Variants in SLC24A2 observed in about 807,000 individuals in gnomAD.
SLC24A2 encodes solute carrier family 24 member 2.
A neutral mutation model predicts 62.0 loss-of-function variants in SLC24A2; 36 were observed. The ratio of observed to expected loss-of-function variants is 0.58; its 90% confidence interval spans 0.44 to 0.77. SLC24A2 has a LOEUF of 0.77. SLC24A2 is among the 30% of genes least tolerant of loss of function. The probability of loss-of-function intolerance (pLI) is 0.00; values close to 1 mark genes in which losing one functional copy is unlikely to be tolerated. For missense variants in SLC24A2, 846 were observed against 817.9 expected, an observed-to-expected ratio of 1.03 and a Z score of -0.42; for synonymous variants, 358 against 294.0, an observed-to-expected ratio of 1.22 and a Z score of -2.23.
the SLC24A2 span, among the ~76,000 whole-genome samples, chr9:20,019,111 A>C: frequency 6.1e-4 from 15 of 24,722 alleles, no homozygotes; most frequent in East Asian, 0.049. Context: ...GATAGAAAGA[A>C]AGAAAGAAAG....
chr9:20,191,422 G>A, the SLC24A2 span, among the ~76,000 whole-genome samples: 1 of 151,938 alleles, frequency 6.6e-6, no homozygotes, highest in African/African-American at 2.4e-5. Flanking sequence ...TGATTTATGG[G>A]ACCATAATCC....
At chr9:20,297,190 T>A in the SLC24A2 span, among the ~76,000 whole-genome samples, 7 of 152,172 alleles carry the variant, frequency 4.6e-5, no homozygotes, top group Non-Finnish European at 7.4e-5. Flanking sequence ...AACATCCTCA[T>A]GACCAATGTG....
chr9:19,575,151 A>G (rs1014333815), intron 6 of SLC24A2, among the ~76,000 whole-genome samples: 10 of 152,244 alleles, frequency 6.6e-5, no homozygotes, highest in African/African-American at 2.4e-4. Flanking sequence ...TTAAATACGG[A>G]AAACCATAGA....
chr9:20,107,338 A>C, the SLC24A2 span, among the ~76,000 whole-genome samples: 1 of 151,502 alleles, frequency 6.6e-6, no homozygotes, highest in East Asian at 1.9e-4. Context: ...GAATTGGAAA[A>C]AACTACTTTG....
chr9:20,057,859 C>T, the SLC24A2 span, among the ~76,000 whole-genome samples: 2 of 152,112 alleles, frequency 1.3e-5, no homozygotes, highest in African/African-American at 4.8e-5. Context: ...TTGACTTTTA[C>T]AAGGTCAAGT....
chr9:19,635,201 C>T (rs947302733), intron 2 of SLC24A2, among the ~76,000 whole-genome samples: 4 of 152,200 alleles, frequency 2.6e-5, no homozygotes, highest in African/African-American at 9.7e-5. Flanking sequence ...TCAGCACCAA[C>T]TTCTTGGCCT....
At chr9:19,856,195 A>G in the SLC24A2 span, among the ~76,000 whole-genome samples, 5 of 152,210 alleles carry the variant, frequency 3.3e-5, no homozygotes, top group Admixed American at 2.6e-4. Flanking sequence ...ATGTTTTATC[A>G]TGGTTCTTAG....
At chr9:19,837,658 T>C in the SLC24A2 span, among the ~76,000 whole-genome samples, 11 of 151,996 alleles carry the variant, frequency 7.2e-5, no homozygotes, top group African/African-American at 2.7e-4. Flanking sequence ...TAATTGTATA[T>C]CTAGAAAACC....
chr9:20,004,167 T>C, the SLC24A2 span, among the ~76,000 whole-genome samples: 7 of 152,322 alleles, frequency 4.6e-5, no homozygotes, highest in Admixed American at 1.3e-4. Context: ...AAGCACCTAA[T>C]AGATGATAAG....
intron 2 of SLC24A2, among the ~76,000 whole-genome samples, chr9:19,686,201 C>T (rs1222648627): frequency 6.6e-6 from 1 of 152,066 alleles, no homozygotes; most frequent in African/African-American, 2.4e-5. Context: ...CAAATCAAAA[C>T]CACAGTGGGA....
the SLC24A2 span, among the ~76,000 whole-genome samples, chr9:19,886,882 A>G: frequency 0.41 from 61,848 of 151,924 alleles, 13,172 homozygotes; most frequent in East Asian, 0.84. Context: ...ATAAAAAGGA[A>G]TGAGACCATG....
chr9:20,217,529 T>C, the SLC24A2 span, among the ~76,000 whole-genome samples: 3 of 152,146 alleles, frequency 2.0e-5, no homozygotes, highest in Non-Finnish European at 4.4e-5. Context: ...AAGAACAAGC[T>C]GGTGCTGGGA....
the SLC24A2 span, among the ~76,000 whole-genome samples, chr9:20,135,106 T>A: frequency 6.6e-6 from 1 of 152,132 alleles, no homozygotes; most frequent in African/African-American, 2.4e-5. Context: ...GATCAAGGGA[T>A]AAGACTCAAA....
At chr9:19,517,564 A>C (rs1182503243) in intron 10 of SLC24A2, among the ~76,000 whole-genome samples, 1 of 152,152 alleles carries the variant, frequency 6.6e-6, no homozygotes, top group Non-Finnish European at 1.5e-5. Context: ...TGCAGCCCCT[A>C]ACTGGGTGCA....
At chr9:19,562,262 A>G (rs1835442075) in intron 7 of SLC24A2, among the ~76,000 whole-genome samples, 2 of 152,346 alleles carry the variant, frequency 1.3e-5, no homozygotes, top group South Asian at 2.1e-4. Context: ...AAATCATTTC[A>G]TCTTATCAAC....
chr9:20,200,435 C>G, the SLC24A2 span, among the ~76,000 whole-genome samples: 1 of 152,344 alleles, frequency 6.6e-6, no homozygotes, highest in East Asian at 1.9e-4. Flanking sequence ...ATGGATGAGA[C>G]TTTGATTCTC....
At chr9:19,866,259 A>C in the SLC24A2 span, among the ~76,000 whole-genome samples, 1 of 152,244 alleles carries the variant, frequency 6.6e-6, no homozygotes, top group Admixed American at 6.5e-5. Flanking sequence ...TGCGAATGTA[A>C]ATTAGTACAG....
intron 2 of SLC24A2, among the ~76,000 whole-genome samples, chr9:19,668,992 T>G (rs1819336994): frequency 6.6e-6 from 1 of 152,134 alleles, no homozygotes; most frequent in Admixed American, 6.5e-5. Flanking sequence ...GAACAGAAGG[T>G]TTTATAAATA....
the SLC24A2 span, among the ~76,000 whole-genome samples, chr9:19,807,262 C>A: frequency 2.0e-5 from 3 of 152,194 alleles, no homozygotes; most frequent in African/African-American, 4.8e-5. Flanking sequence ...TAACAAGGAA[C>A]AAAAGGAAGG....
Sources: gnomAD v4.1 joint callset for allele counts (sites outside exome capture counted in the v4.1 genomes callset) on GRCh38, gnomAD v4.1.1 for gene constraint, MANE v1.5 for transcripts, NCBI Gene and HGNC (gene_info 2026-07-23, HGNC 2026-07-21) for gene names.